TPD52L3: variants seen among roughly 807,000 people sequenced by gnomAD.
TPD52L3 encodes tumor protein D55.
A neutral mutation model predicts 8.7 loss-of-function variants in TPD52L3; 12 were observed. That is an observed-to-expected ratio of 1.38 (90% CI 0.89 to 2.24). The LOEUF (loss-of-function observed/expected upper bound fraction) is 2.24, where lower values mean the gene tolerates loss of function less well. Ranked by LOEUF, TPD52L3 falls within the 30% of genes most tolerant of loss-of-function variation. The pLI, the probability that TPD52L3 is intolerant of heterozygous loss-of-function variation, is 0.00. For synonymous variants in TPD52L3, 79 were observed against 66.8 expected (o/e 1.18, Z -0.89); for missense variants, 207 against 158.7 (o/e 1.30, Z -1.64).
chr9:6,329,556 C>A (rs1818102926), intron 1 of TPD52L3: 2 of 1,003,686 alleles, frequency 2.0e-6, no homozygotes, highest in Non-Finnish European at 2.4e-6. Context: ...ATGAAGTAAT[C>A]TGTAGTGTTT....
intron 1 of TPD52L3, chr9:6,329,856 A>G (rs1328634251): frequency 8.6e-7 from 1 of 1,162,484 alleles, no homozygotes; most frequent in Non-Finnish European, 1.1e-6. Context: ...TGAAATTGCA[A>G]CTTTGCCTTG....
chr9:6,329,856 A>T (rs1328634251), intron 1 of TPD52L3: 1 of 1,162,484 alleles, frequency 8.6e-7, no homozygotes, highest in South Asian at 3.6e-5. Context: ...TGAAATTGCA[A>T]CTTTGCCTTG....
Position 6,331,598 on chromosome 9 carries a change from T to G in TPD52L3, c.*579T>G, listed in dbSNP as rs542209053. 6.6e-6 allele frequency: 1 copy of G among 152,262 alleles called. No homozygotes were observed. Among genetic ancestry groups the G allele is most frequent in the Admixed American group, 6.5e-5 (1 of 15,288 alleles). The allele number at this position is 152,262 out of a possible 1,614,324, so 9.4% of individuals were successfully genotyped here. A position where few individuals can be genotyped will look rare whatever the true frequency, so the allele number is the denominator to read the frequency against. On this transcript the variant is annotated 3_prime_UTR_variant, in exon 2 of 2. Transcript: ENST00000314556. ...TACATTAGATATCAATATTTAAGCC[T>G]GTAGGAAATGGGAGGCATTGAAGCA...
At chr9:6,329,218 C>CTTA in intron 1 of TPD52L3, 3 of 1,398,020 alleles carry the variant, frequency 2.1e-6, no homozygotes, top group Non-Finnish European at 2.8e-6. Context: ...ACCCCCTTCC[C>CTTA]TTATTACATT....
In TPD52L3 at chr9:6,328,639, C is replaced by G. The variant is rs750791419; in HGVS notation, c.44C>G (p.Ser15Cys). The change falls in exon 1 of 2, where the codon TCC (serine) becomes TGC (cysteine). Residue 15 changes from serine (S) to cysteine (C), a missense_variant. Ser to Cys is a moderately radical substitution (Grantham distance 112, BLOSUM62 -1). Coordinates refer to ENST00000314556, the MANE Select transcript of TPD52L3 (RefSeq NM_001001874.3). The stretch of plus-strand genomic sequence containing the variant: ...GAGACCTCTGTGGGCACATATGAAT[C>G]CCACTCGACTTCTGAACTGGAGGAT... ...RTETSVGTYE[S>C]HSTSELEDLT... 1.9e-6 allele frequency: 3 copies of G among 1,613,974 alleles called. No homozygotes were observed. In the Admixed American group the frequency reaches 5.0e-5, roughly 27 times the overall value.
Position 6,331,109 on chromosome 9 carries a change from A to C in TPD52L3, c.*90A>C. The C allele has an allele frequency of 7.0e-7, 1 of 1,424,120 alleles. No homozygotes were observed. The highest frequency in any genetic ancestry group is 9.8e-7 in the Non-Finnish European group (1 of 1,022,316). The allele number at this position is 1,424,120 out of a possible 1,614,324, so 88.2% of individuals were successfully genotyped here. A position where few individuals can be genotyped will look rare whatever the true frequency, so the allele number is the denominator to read the frequency against. On this transcript the variant is annotated 3_prime_UTR_variant, in exon 2 of 2. Transcript: ENST00000314556. ...AAGTTCCTTCTGCTTTTAAACAAAA[A>C]TATCGTGTTTATTCAAAGCCAATCT...
chr9:6,330,020 G>A (rs1818115529), intron 1 of TPD52L3: 1 of 1,378,200 alleles, frequency 7.3e-7, no homozygotes, highest in South Asian at 2.1e-5. Context: ...CAGCTGAGGG[G>A]CTGGAGGAAA....
At chr9:6,330,172 T>A in intron 1 of TPD52L3, 2 of 1,614,008 alleles carry the variant, frequency 1.2e-6, no homozygotes, top group Non-Finnish European at 1.7e-6. Context: ...AAGTCTGCCC[T>A]TCTTTTTAGG....
At chr9:6,329,016 T>G in intron 1 of TPD52L3, 54 bp downstream of exon 1, 1 of 1,613,282 alleles carries the variant, frequency 6.2e-7, no homozygotes, top group Non-Finnish European at 8.5e-7. Flanking sequence ...AGCTTGGCCC[T>G]GACTGTCTTT....
rs1304836706 is a variant in TPD52L3, at chr9:6,331,543, G to C, written c.*524G>C. 1 of 152,224 alleles carries C rather than the reference G, an allele frequency of 6.6e-6. No homozygotes were observed. Among genetic ancestry groups the C allele is most frequent in the Non-Finnish European group, 1.5e-5 (1 of 68,098 alleles). 9.4% of individuals were successfully genotyped at this position (152,224 alleles called of 1,614,324 possible). A position where few individuals can be genotyped will look rare whatever the true frequency, so the allele number is the denominator to read the frequency against. ...TTACGTGAGTAAGAAAAAATAAGCA[G>C]GGGGCAAAATCATAAGTAGTCTTAC... On this transcript the variant is annotated 3_prime_UTR_variant, in exon 2 of 2. Coordinates refer to ENST00000314556, the MANE Select transcript of TPD52L3 (RefSeq NM_001001874.3).
intron 1 of TPD52L3, 167 bp downstream of exon 1, chr9:6,329,129 G>C (rs1818091074): frequency 2.7e-6 from 4 of 1,499,832 alleles, no homozygotes; most frequent in Non-Finnish European, 2.7e-6. Flanking sequence ...GTTCTGGAGA[G>C]TGAGGATGAC....
rs1022466888 is a variant in TPD52L3, at chr9:6,329,976, T to C, written c.368-1000T>C. 3.0e-6 allele frequency: 4 copies of C among 1,318,248 alleles called. No individual in the cohort carries two copies. The African/African-American group carries it at 6.1e-5, about 20-fold the overall frequency. The allele number at this position is 1,318,248 out of a possible 1,614,324, so 81.7% of individuals were successfully genotyped here. Reference sequence around the variant, plus strand: ...CTTCACTTAAAAGGAAGAAATTGCCTCTCTGGCAGCAATTCCTAGTTAGTT... The same window carrying C: ...CTTCACTTAAAAGGAAGAAATTGCCCCTCTGGCAGCAATTCCTAGTTAGTT... On this transcript the variant is annotated intron_variant, in intron 1 of 1. Transcript: ENST00000314556.
rs1009037409 is a variant in TPD52L3, at chr9:6,328,779, A to G, written c.184A>G (p.Arg62Gly). 3 of 1,614,062 alleles carry G rather than the reference A, an allele frequency of 1.9e-6. No individual in the cohort carries two copies. Among genetic ancestry groups the G allele is most frequent in the African/African-American group, 2.7e-5 (2 of 74,926 alleles). ...AGAGAGACGCTGTGGGGAACTCAAGAGGAAGTTAGGCCTCACCGCCTTGGT... is the reference window on the plus strand; with the variant it reads ...AGAGAGACGCTGTGGGGAACTCAAGGGGAAGTTAGGCCTCACCGCCTTGGT... ...AKERRCGELKRKLGLTALVGL... is the reference protein window; with the variant it reads ...AKERRCGELKGKLGLTALVGL... Residue 62 changes from arginine (R) to glycine (G), a missense_variant, in exon 1 of 2, where the codon AGG (arginine) becomes GGG (glycine). Coordinates refer to ENST00000314556, the MANE Select transcript of TPD52L3 (RefSeq NM_001001874.3).
chr9:6,330,104 T>C, intron 1 of TPD52L3: 1 of 1,599,510 alleles, frequency 6.3e-7, no homozygotes, highest in Non-Finnish European at 8.5e-7. Flanking sequence ...CTGTCCCCTG[T>C]GATGCTGGCT....
At chr9:6,329,216 C>T in intron 1 of TPD52L3, 3 of 1,402,228 alleles carry the variant, frequency 2.1e-6, no homozygotes, top group Non-Finnish European at 2.8e-6. Flanking sequence ...GGACCCCCTT[C>T]CCTTATTACA....
intron 1 of TPD52L3, chr9:6,330,336 C>G: frequency 1.3e-6 from 2 of 1,506,542 alleles, no homozygotes; most frequent in South Asian, 2.7e-5. Flanking sequence ...ATGCCAAGAT[C>G]TGGGAGCCTC....
At chr9:6,330,592 C>T (rs1818133771) in intron 1 of TPD52L3, 2 of 1,162,112 alleles carry the variant, frequency 1.7e-6, no homozygotes, top group African/African-American at 1.6e-5. Context: ...TGTAAAGTTA[C>T]TCATGTATCC....
chr9:6,328,667 G>A lies in TPD52L3; in HGVS notation c.72G>A (p.Leu24=), dbSNP rs747642276. The change falls in exon 1 of 2, where the codon CTG becomes CTA. Residue 24 remains leucine, a synonymous_variant. Transcript: ENST00000314556. ...ACTCGACTTCTGAACTGGAGGATCT[G>A]ACAGAGCCCGAGCAAAGAGAGCTCA... is the stretch of plus-strand genomic sequence containing the variant. The part of the protein sequence containing the change: ...ESHSTSELED[L]TEPEQRELKT... The A allele has an allele frequency of 6.2e-7, 1 of 1,614,070 alleles. No homozygotes were observed. The highest frequency in any genetic ancestry group is 1.3e-5 in the African/African-American group (1 of 74,924).
In TPD52L3 at chr9:6,330,988, A is replaced by G. The variant is rs1256369498; in HGVS notation, c.380A>G (p.Asn127Ser). The change falls in exon 2 of 2, where the codon AAT becomes AGT. Residue 127 changes from asparagine (N) to serine (S), a missense_variant. Asn to Ser is a conservative substitution (Grantham distance 46). Coordinates refer to ENST00000314556, the MANE Select transcript of TPD52L3 (RefSeq NM_001001874.3). ...ATTTCTGGCTTAGGATTGATCTTCA[A>G]TAAATACACGTTAAATCAAGGAAGG... Reference protein sequence around the residue: ...TFRSFEGLIFNKYTLNQGRN With the variant: ...TFRSFEGLIFSKYTLNQGRN 2 of 1,612,736 alleles carry G rather than the reference A, an allele frequency of 1.2e-6. No homozygotes were observed. The highest frequency in any genetic ancestry group is 1.3e-5 in the African/African-American group (1 of 74,888).
Sources: allele counts gnomAD v4.1 joint callset, GRCh38; gene constraint gnomAD v4.1.1; transcripts MANE v1.5; gene names NCBI Gene and HGNC (gene_info 2026-07-23, HGNC 2026-07-21).